MYO5A: variants seen among roughly 807,000 people sequenced by gnomAD.
MYO5A encodes unconventional myosin-Va.
MYO5A carries 98 observed loss-of-function variants against 249.7 expected under a neutral mutation model. That is an observed-to-expected ratio of 0.39 (90% CI 0.33 to 0.46). The LOEUF (loss-of-function observed/expected upper bound fraction) is 0.46. MYO5A is among the 20% of genes least tolerant of loss of function. The probability of loss-of-function intolerance (pLI) is 0.98; values close to 1 mark genes in which losing one functional copy is unlikely to be tolerated. For missense variants in MYO5A, 1,696 were observed against 2,308.8 expected (o/e 0.73, Z 5.44); for synonymous variants, 778 against 810.6 (o/e 0.96, Z 0.68).
intron 13 of MYO5A, among the ~76,000 whole-genome samples, chr15:52,388,549 TTAGAA>T (rs2042068405): frequency 6.6e-6 from 1 of 152,208 alleles, no homozygotes; most frequent in Non-Finnish European, 1.5e-5. Context: ...TAGGGCAGAC[TTAGAA>T]AGTCCTCAAT....
intron 1 of MYO5A, among the ~76,000 whole-genome samples, chr15:52,505,020 G>C (rs1237031786): frequency 6.6e-6 from 1 of 152,138 alleles, no homozygotes; most frequent in Non-Finnish European, 1.5e-5. Context: ...TAAGAACTCA[G>C]ACTCGGCAGT....
intron 35 of MYO5A, 79 bp from the exon 36 acceptor site, chr15:52,328,085 T>C (rs1051391467): frequency 7.4e-5 from 89 of 1,207,856 alleles, no homozygotes; most frequent in Admixed American, 2.7e-4. Context: ...AAAAACACAG[T>C]TGTCATGTAA....
At chr15:52,519,696 A>G (rs2077574441) in intron 1 of MYO5A, among the ~76,000 whole-genome samples, 1 of 152,026 alleles carries the variant, frequency 6.6e-6, no homozygotes, top group African/African-American at 2.4e-5. Context: ...TTCAATTTCT[A>G]ACATGCTATT....
intron 24 of MYO5A, 22 bp downstream of exon 24, chr15:52,364,532 A>C (rs777759642): frequency 1.3e-6 from 2 of 1,595,456 alleles, no homozygotes; most frequent in African/African-American, 2.9e-5. Flanking sequence ...CATTAAAAAA[A>C]AAACAAAAGT....
chr15:52,340,468 G>T, intron 31 of MYO5A, 74 bp from the exon 32 acceptor site: 1 of 1,295,692 alleles, frequency 7.7e-7, no homozygotes, highest in Non-Finnish European at 1.1e-6. Flanking sequence ...AAGGCATCGT[G>T]TTCACTTGCA....
At chr15:52,408,248 T>TTTCC in intron 6 of MYO5A, 108 bp from the exon 7 acceptor site, 1 of 693,592 alleles carries the variant, frequency 1.4e-6, no homozygotes, top group East Asian at 2.8e-5. Flanking sequence ...GTTAAATAAA[T>TTTCC]TATACTTTCC....
chr15:52,394,161 C>T (rs1001773522), intron 11 of MYO5A, among the ~76,000 whole-genome samples: 1 of 152,148 alleles, frequency 6.6e-6, no homozygotes, highest in African/African-American at 2.4e-5. Flanking sequence ...CACCTACATC[C>T]CCAGATCAGG....
At chr15:52,327,704 T>G in intron 36 of MYO5A, 148 bp downstream of exon 36, 2 of 841,990 alleles carry the variant, frequency 2.4e-6, no homozygotes, top group South Asian at 2.8e-5. Flanking sequence ...AGCAAAACCC[T>G]GTCTCAAAAT....
chr15:52,337,211 T>C (rs765212541), intron 33 of MYO5A, among the ~76,000 whole-genome samples: 12 of 152,204 alleles, frequency 7.9e-5, no homozygotes, highest in Non-Finnish European at 1.6e-4. Flanking sequence ...GGGGTATTTA[T>C]GAATGCTTTA....
chr15:52,449,008 G>A (rs564372855), intron 1 of MYO5A, among the ~76,000 whole-genome samples: 3 of 94,614 alleles, frequency 3.2e-5, no homozygotes, highest in African/African-American at 8.8e-5. Flanking sequence ...TTACTCTGTT[G>A]CCCAGGCTGG....
chr15:52,394,878 T>C (rs1314668895), intron 11 of MYO5A, among the ~76,000 whole-genome samples: 1 of 152,256 alleles, frequency 6.6e-6, no homozygotes, highest in South Asian at 2.1e-4. Flanking sequence ...TTTATTAATG[T>C]TCTTTATGCA....
At chr15:52,519,535 C>T (rs2077568733) in intron 1 of MYO5A, among the ~76,000 whole-genome samples, 1 of 151,682 alleles carries the variant, frequency 6.6e-6, no homozygotes, top group African/African-American at 2.4e-5. Context: ...CTGCTTGAGC[C>T]CAGGAGTTCG....
intron 1 of MYO5A, among the ~76,000 whole-genome samples, chr15:52,482,704 G>A (rs1418905149): frequency 1.3e-5 from 2 of 151,872 alleles, no homozygotes; most frequent in Admixed American, 6.6e-5. Context: ...ATTTTGCTGT[G>A]AACCTAAAAT....
chr15:52,474,223 T>C (rs1240336779), intron 1 of MYO5A, among the ~76,000 whole-genome samples: 1 of 152,238 alleles, frequency 6.6e-6, no homozygotes, highest in East Asian at 1.9e-4. Flanking sequence ...ATGCTTGTGA[T>C]TTTTGCACAC....
At chr15:52,466,724 C>T (rs184219036) in intron 1 of MYO5A, among the ~76,000 whole-genome samples, 6 of 152,310 alleles carry the variant, frequency 3.9e-5, no homozygotes, top group African/African-American at 1.4e-4. Context: ...GCAGGCCTAG[C>T]TAACTTAGCT....
At chr15:52,375,160 T>A (rs1046058356) in intron 20 of MYO5A, 144 bp downstream of exon 20, 12 of 854,450 alleles carry the variant, frequency 1.4e-5, no homozygotes, top group Admixed American at 2.9e-5. Flanking sequence ...AAGAATTTTT[T>A]AAAATAAATA....
At chr15:52,451,951 C>A (rs2076028425) in intron 1 of MYO5A, among the ~76,000 whole-genome samples, 1 of 152,136 alleles carries the variant, frequency 6.6e-6, no homozygotes, top group African/African-American at 2.4e-5. Context: ...AGTGTCTGAT[C>A]TATAATAGAT....
chr15:52,501,262 C>A (rs1049432508), intron 1 of MYO5A, among the ~76,000 whole-genome samples: 5 of 152,094 alleles, frequency 3.3e-5, no homozygotes. Flanking sequence ...TGAGCCACCG[C>A]GCCCAGCCAG....
intron 1 of MYO5A, among the ~76,000 whole-genome samples, chr15:52,453,390 G>C (rs2076057868): frequency 6.6e-6 from 1 of 151,918 alleles, no homozygotes; most frequent in Non-Finnish European, 1.5e-5. Flanking sequence ...CAAAAGTTGA[G>C]AGAATTCACC....
Sources: gnomAD v4.1 joint callset for allele counts (sites outside exome capture counted in the v4.1 genomes callset) on GRCh38, gnomAD v4.1.1 for gene constraint, MANE v1.5 for transcripts, NCBI Gene and HGNC (gene_info 2026-07-23, HGNC 2026-07-21) for gene names.